Variants in DCBLD2 observed in about 807,000 individuals in gnomAD.
The protein encoded by DCBLD2 is discoidin, CUB and LCCL domain containing 2, also known as discoidin, CUB and LCCL domain-containing protein 2.
In DCBLD2, 54 loss-of-function variants were observed where a neutral mutation model predicts 86.8. That is an observed-to-expected ratio of 0.62 (90% CI 0.50 to 0.78). The LOEUF (loss-of-function observed/expected upper bound fraction) is 0.78, where lower values mean the gene tolerates loss of function less well. Among genes scored for constraint, DCBLD2 ranks in the 30% least tolerant of loss-of-function variants. DCBLD2 has a pLI of 0.00. For synonymous variants in DCBLD2, 354 were observed against 341.3 expected (o/e 1.04, Z -0.41); for missense variants, 908 against 954.2 (o/e 0.95, Z 0.64).
intron 3 of DCBLD2, among the ~76,000 whole-genome samples, chr3:98,845,284 C>T (rs1030838654): frequency 6.6e-6 from 1 of 152,088 alleles, no homozygotes; most frequent in Non-Finnish European, 1.5e-5. Flanking sequence ...GAAGAGGACT[C>T]CAGGTAGAGA....
intron 2 of DCBLD2, among the ~76,000 whole-genome samples, chr3:98,873,338 T>C (rs915213650): frequency 1.3e-5 from 2 of 152,220 alleles, no homozygotes; most frequent in Admixed American, 6.5e-5. Flanking sequence ...TTTAAATGCA[T>C]ATCAAACTTT....
At chr3:98,860,241 C>T (rs1011690119) in intron 2 of DCBLD2, among the ~76,000 whole-genome samples, 5 of 152,122 alleles carry the variant, frequency 3.3e-5, no homozygotes, top group South Asian at 4.1e-4. Flanking sequence ...ACCAAATCTA[C>T]GTCTGATTGG....
At chr3:98,821,785 C>A (rs764120823) in intron 6 of DCBLD2, among the ~76,000 whole-genome samples, 1 of 152,120 alleles carries the variant, frequency 6.6e-6, no homozygotes, top group Non-Finnish European at 1.5e-5. Flanking sequence ...CGGTGGGTCA[C>A]GCCTGTAATC....
At position 98,881,592 on chromosome 3, in the gene DCBLD2, G is replaced by C. The variant is rs547041194; in HGVS notation, c.381C>G (p.His127Gln). 1 of 1,613,862 alleles carries C rather than the reference G, an allele frequency of 6.2e-7. No homozygotes were observed. The highest frequency in any genetic ancestry group is 1.7e-5 in the Admixed American group (1 of 60,014). ...CATTATAAATTCTCAAGTAATTAAA[G>C]TGACAAGAATCAGAATCTTCAATGT... Reference protein sequence around the residue: ...DFDIEDSDSCHFNYLRIYNGI... With the variant: ...DFDIEDSDSCQFNYLRIYNGI... Residue 127 changes from histidine to glutamine, a missense_variant, in exon 2 of 16, where the codon CAC (histidine) becomes CAG (glutamine). Around this residue, in one of 3 missense-constraint regions of DCBLD2, gnomAD observed 294 missense variants for 256.0 expected, o/e 1.15. Transcript: ENST00000326840.
chr3:98,834,281 T>C (rs1942384959), intron 3 of DCBLD2, among the ~76,000 whole-genome samples: 1 of 150,912 alleles, frequency 6.6e-6, no homozygotes, highest in South Asian at 2.1e-4. Context: ...ATTCATCACC[T>C]TGAATACTTT....
At chr3:98,841,059 G>A (rs974644103) in intron 3 of DCBLD2, among the ~76,000 whole-genome samples, 7 of 152,160 alleles carry the variant, frequency 4.6e-5, no homozygotes, top group African/African-American at 1.7e-4. Flanking sequence ...CTTCACAGTA[G>A]AGTTTAACCC....
At chr3:98,838,536 G>T (rs952400984) in intron 3 of DCBLD2, among the ~76,000 whole-genome samples, 1 of 146,374 alleles carries the variant, frequency 6.8e-6, no homozygotes, top group Non-Finnish European at 1.5e-5. Flanking sequence ...GATGGCGGCC[G>T]GGCGGAGACG....
intron 1 of DCBLD2, among the ~76,000 whole-genome samples, chr3:98,898,239 T>A (rs948181506): frequency 6.6e-6 from 1 of 151,834 alleles, no homozygotes; most frequent in African/African-American, 2.4e-5. Context: ...ATACATTTTA[T>A]TCGGAGCCAA....
At chr3:98,823,976 G>A (rs894609271) in intron 4 of DCBLD2, among the ~76,000 whole-genome samples, 2 of 152,166 alleles carry the variant, frequency 1.3e-5, no homozygotes, top group African/African-American at 4.8e-5. Context: ...ACTAGAACAA[G>A]TGGTGGGAAA....
intron 3 of DCBLD2, among the ~76,000 whole-genome samples, chr3:98,840,395 G>C (rs1177877191): frequency 6.6e-6 from 1 of 152,198 alleles, no homozygotes; most frequent in Non-Finnish European, 1.5e-5. Context: ...TACATGTGAA[G>C]TGCTTAGATT....
chr3:98,883,826 A>G (rs1483538210), intron 1 of DCBLD2, among the ~76,000 whole-genome samples: 1 of 152,196 alleles, frequency 6.6e-6, no homozygotes, highest in African/African-American at 2.4e-5. Flanking sequence ...ATATGGACAC[A>G]GAGGGCTGTA....
At chr3:98,830,413 A>G (rs1942299189) in intron 3 of DCBLD2, among the ~76,000 whole-genome samples, 1 of 152,152 alleles carries the variant, frequency 6.6e-6, no homozygotes, top group Admixed American at 6.5e-5. Flanking sequence ...TGATTTTTGG[A>G]TATGATATAA....
In DCBLD2 at chr3:98,867,791, G is replaced by A. The variant is rs188801427; in HGVS notation, c.433+13749C>T. Among the ~76,000 whole-genome samples, 592 of 150,806 alleles carry A rather than the reference G, an allele frequency of 3.9e-3. 6 individuals carry two copies. Among genetic ancestry groups the A allele is most frequent in the Non-Finnish European group, 4.6e-3 (314 of 67,618 alleles). ...TTTTTAACTCAAAGAAATAACATTT[G>A]TTTTTGTTGTTTTTTGTTTTTTTTT... is the stretch of plus-strand genomic sequence containing the variant. On this transcript the variant is annotated intron_variant, in intron 2 of 15. Coordinates refer to ENST00000326840, the MANE Select transcript of DCBLD2 (RefSeq NM_080927.4).
chr3:98,842,359 G>A (rs1371159459), intron 3 of DCBLD2, among the ~76,000 whole-genome samples: 1 of 152,148 alleles, frequency 6.6e-6, no homozygotes. Context: ...ATATTATTGT[G>A]TGGTCCTAAG....
chr3:98,865,361 A>T (rs1943124224), intron 2 of DCBLD2, among the ~76,000 whole-genome samples: 1 of 152,222 alleles, frequency 6.6e-6, no homozygotes, highest in African/African-American at 2.4e-5. Context: ...GAAATAAGCA[A>T]GGCATAGAAA....
chr3:98,860,627 C>T (rs1373307826), intron 2 of DCBLD2, among the ~76,000 whole-genome samples: 1 of 152,140 alleles, frequency 6.6e-6, no homozygotes, highest in African/African-American at 2.4e-5. Flanking sequence ...CCAAACTAAG[C>T]TTCATAAGTG....
At chr3:98,864,607 A>G (rs1943108687) in intron 2 of DCBLD2, among the ~76,000 whole-genome samples, 1 of 152,206 alleles carries the variant, frequency 6.6e-6, no homozygotes, top group African/African-American at 2.4e-5. Context: ...CGCAAGAACA[A>G]AAAACCAAAC....
intron 1 of DCBLD2, among the ~76,000 whole-genome samples, chr3:98,897,642 A>G (rs985509311): frequency 1.3e-5 from 2 of 152,174 alleles, no homozygotes; most frequent in Non-Finnish European, 2.9e-5. Flanking sequence ...TTGGTTCCAA[A>G]TATGTTCAAA....
rs1379736101 is a variant in DCBLD2 at position 98,811,216 on chromosome 3, G to C, written c.1554C>G (p.Thr518=). 6.2e-7 allele frequency: 1 copy of C among 1,608,908 alleles called. No individual in the cohort carries two copies. Among genetic ancestry groups the C allele is most frequent in the East Asian group, 2.2e-5 (1 of 44,848 alleles). ...TACCTTTGGTTACATTTGGAGTTACGGTAGTATTTCTGATATCAGGACTGG... is the reference window on the plus strand; with the variant it reads ...TACCTTTGGTTACATTTGGAGTTACCGTAGTATTTCTGATATCAGGACTGG... ...TTASPDIRNT[T]VTPNVTKDVA... The change falls in exon 12 of 16, where the codon ACC becomes ACG. Residue 518 remains threonine (T), a synonymous_variant. Coordinates refer to ENST00000326840, the MANE Select transcript of DCBLD2 (RefSeq NM_080927.4).
Sources: allele counts gnomAD v4.1 joint callset (sites outside exome capture counted in the v4.1 genomes callset), GRCh38; gene constraint gnomAD v4.1.1; regional missense constraint gnomAD v4.1.1; transcripts MANE v1.5; gene names NCBI Gene and HGNC (gene_info 2026-07-23, HGNC 2026-07-21).